Variants in DAB1 observed in about 807,000 individuals in gnomAD.
DAB1 encodes DAB adaptor protein 1.
A neutral mutation model predicts 64.6 loss-of-function variants in DAB1; 15 were observed. The ratio of observed to expected loss-of-function variants is 0.23; its 90% CI spans 0.16 to 0.36. The LOEUF (loss-of-function observed/expected upper bound fraction) is 0.36, where lower values mean the gene tolerates loss of function less well. Ranked by LOEUF, DAB1 falls within the 10% of genes least tolerant of loss-of-function variation. The pLI, the probability that DAB1 is intolerant of heterozygous loss-of-function variation, is 1.00. For missense variants in DAB1, 596 were observed against 706.7 expected, an observed-to-expected ratio of 0.84 and a Z score of 1.78; for synonymous variants, 235 against 251.9, an observed-to-expected ratio of 0.93 and a Z score of 0.64.
At chr1:57,411,863 C>G (rs1176393465) in intron 1 of DAB1, among the ~76,000 whole-genome samples, 1 of 152,176 alleles carries the variant, frequency 6.6e-6, no homozygotes, top group African/African-American at 2.4e-5. Flanking sequence ...CTGTGAAGCA[C>G]CTAGTACAGA....
chr1:57,957,895 G>T (rs921442433), intron 5 of DAB1, among the ~76,000 whole-genome samples: 5 of 152,170 alleles, frequency 3.3e-5, no homozygotes, highest in African/African-American at 9.6e-5. Context: ...ATAATTATAA[G>T]TCTTTGATTG....
intron 6 of DAB1, among the ~76,000 whole-genome samples, chr1:57,687,965 A>G (rs773629336): frequency 6.6e-5 from 10 of 152,194 alleles, no homozygotes; most frequent in Non-Finnish European, 1.5e-4. Flanking sequence ...AAATCCTAGA[A>G]GAAAATCTAG....
chr1:57,683,688 G>T (rs1365532559), intron 6 of DAB1, among the ~76,000 whole-genome samples: 5 of 152,158 alleles, frequency 3.3e-5, no homozygotes, highest in Admixed American at 2.0e-4. Flanking sequence ...ATGAAAAAGA[G>T]TCAGTGCAAG....
At chr1:58,476,958 C>A (rs1234215343) in intron 3 of DAB1, among the ~76,000 whole-genome samples, 2 of 152,196 alleles carry the variant, frequency 1.3e-5, no homozygotes, top group Non-Finnish European at 2.9e-5. Context: ...TACTGCTGGA[C>A]ACACATTGAC....
At chr1:57,234,186 TACACG>T (rs1294183924) in intron 2 of DAB1, among the ~76,000 whole-genome samples, 2 of 152,220 alleles carry the variant, frequency 1.3e-5, no homozygotes, top group Non-Finnish European at 2.9e-5. Flanking sequence ...GTGGTAATAC[TACACG>T]AGTGTACTTT....
chr1:58,312,870 T>C (rs537856418), intron 4 of DAB1, among the ~76,000 whole-genome samples: 1 of 152,202 alleles, frequency 6.6e-6, no homozygotes, highest in South Asian at 2.1e-4. Flanking sequence ...TACTACCTAA[T>C]GAATAGCATT....
chr1:57,574,243 T>G (rs1645223870), intron 7 of DAB1, among the ~76,000 whole-genome samples: 1 of 152,090 alleles, frequency 6.6e-6, no homozygotes, highest in Non-Finnish European at 1.5e-5. Context: ...AACCAGTGCT[T>G]GGGGACAGGG....
At chr1:57,745,304 T>C (rs1648212083) in intron 6 of DAB1, among the ~76,000 whole-genome samples, 1 of 152,160 alleles carries the variant, frequency 6.6e-6, no homozygotes, top group Non-Finnish European at 1.5e-5. Context: ...GGGGTAGGGC[T>C]CACCAATGTT....
chr1:57,006,692 T>A lies in DAB1; in HGVS notation c.*15+3988A>T, dbSNP rs112846151. ...GTTGGACTTGTCATTGAGTTCTGTG[T>A]CCATAAAATAGGTCATTTTCTGTTG... On this transcript the variant is annotated intron_variant, in intron 14 of 14. Transcript: ENST00000371236. Among the ~76,000 whole-genome samples, 172 of 152,366 alleles carry A rather than the reference T, an allele frequency of 1.1e-3. 3 individuals carry two copies. The South Asian group carries it at 0.033, about 29-fold the overall frequency.
intron 9 of DAB1, among the ~76,000 whole-genome samples, chr1:57,039,263 A>G (rs1647404216): frequency 6.6e-6 from 1 of 152,234 alleles, no homozygotes; most frequent in Admixed American, 6.5e-5. Flanking sequence ...AAGCAGTGAG[A>G]AGACTGATGT....
At chr1:57,088,873 G>T (rs1308882216) in intron 4 of DAB1, among the ~76,000 whole-genome samples, 1 of 152,182 alleles carries the variant, frequency 6.6e-6, no homozygotes, top group Non-Finnish European at 1.5e-5. Flanking sequence ...TGAGATGCAG[G>T]CCCCGGCTTT....
intron 1 of DAB1, among the ~76,000 whole-genome samples, chr1:57,840,659 G>A (rs1379289647): frequency 6.6e-6 from 1 of 152,122 alleles, no homozygotes; most frequent in African/African-American, 2.4e-5. Context: ...TTCTTAACAT[G>A]GCAGCAGGAG....
At chr1:57,468,641 A>T (rs1190143216) in intron 7 of DAB1, among the ~76,000 whole-genome samples, 1 of 152,132 alleles carries the variant, frequency 6.6e-6, no homozygotes, top group Non-Finnish European at 1.5e-5. Context: ...TGTGTTTTTA[A>T]TGTGTATATT....
chr1:57,145,809 T>G (rs946371693), intron 2 of DAB1, among the ~76,000 whole-genome samples: 1 of 152,230 alleles, frequency 6.6e-6, no homozygotes, highest in African/African-American at 2.4e-5. Flanking sequence ...TCCGAAATTG[T>G]TGTTAGAATA....
intron 1 of DAB1, among the ~76,000 whole-genome samples, chr1:58,533,166 C>T (rs559470485): frequency 6.6e-6 from 1 of 152,074 alleles, no homozygotes; most frequent in Non-Finnish European, 1.5e-5. Context: ...TTTTCCTGGA[C>T]TTATATCAAG....
chr1:57,698,502 T>C (rs1263810076), intron 6 of DAB1, among the ~76,000 whole-genome samples: 1 of 152,198 alleles, frequency 6.6e-6, no homozygotes, highest in African/African-American at 2.4e-5. Context: ...CACCACATTA[T>C]ATTATAACTA....
chr1:57,036,501 C>G (rs775435778), intron 9 of DAB1, among the ~76,000 whole-genome samples: 14 of 152,192 alleles, frequency 9.2e-5, no homozygotes, highest in Non-Finnish European at 1.9e-4. Context: ...AATAAATACA[C>G]TTTTTCCCAG....
chr1:58,232,551 A>G (rs1659831599), intron 4 of DAB1, among the ~76,000 whole-genome samples: 2 of 151,772 alleles, frequency 1.3e-5, no homozygotes, highest in Non-Finnish European at 2.9e-5. Context: ...TGTGCCTAGC[A>G]CTGTGCCTGA....
chr1:58,525,203 A>G (rs1028854837), intron 2 of DAB1, among the ~76,000 whole-genome samples: 1 of 152,152 alleles, frequency 6.6e-6, no homozygotes, highest in African/African-American at 2.4e-5. Flanking sequence ...CATTCATGAC[A>G]TATCCTTTTC....
Sources: allele counts gnomAD v4.1 joint callset (sites outside exome capture counted in the v4.1 genomes callset), GRCh38; gene constraint gnomAD v4.1.1; transcripts MANE v1.5; gene names NCBI Gene and HGNC (gene_info 2026-07-23, HGNC 2026-07-21).